Variants in ZC3HC1 observed in about 807,000 individuals in gnomAD.
ZC3HC1 encodes zinc finger C3HC-type containing 1, also known as zinc finger C3HC-type protein 1.
ZC3HC1 carries 38 observed loss-of-function variants against 61.9 expected under a neutral mutation model. The observed-to-expected ratio is 0.61, with a 90% CI of 0.47 to 0.81. The LOEUF (loss-of-function observed/expected upper bound fraction) is 0.81. Ranked by LOEUF, ZC3HC1 falls within the 30% of genes least tolerant of loss-of-function variation. The pLI, the probability that ZC3HC1 is intolerant of heterozygous loss-of-function variation, is 0.00. For synonymous variants in ZC3HC1, 213 were observed against 229.9 expected (o/e 0.93, Z 0.67); for missense variants, 554 against 622.7 (o/e 0.89, Z 1.17).
intron 4 of ZC3HC1, among the ~76,000 whole-genome samples, chr7:130,030,727 G>C (rs1170019797): frequency 6.6e-6 from 1 of 151,230 alleles, no homozygotes; most frequent in Non-Finnish European, 1.5e-5. Flanking sequence ...GAGTGCAGTG[G>C]CGTGATCTCG....
intron 2 of ZC3HC1, chr7:130,045,213 C>T (rs1184580913): frequency 5.7e-6 from 1 of 176,074 alleles, no homozygotes; most frequent in Non-Finnish European, 1.2e-5. Flanking sequence ...ACTTTGGTGG[C>T]TTACTTTCAA....
chr7:130,045,483 T>C (rs1224531890), intron 2 of ZC3HC1: 1 of 457,312 alleles, frequency 2.2e-6, no homozygotes, highest in Non-Finnish European at 4.4e-6. Flanking sequence ...TCACAACCTC[T>C]ATGGTCTATA....
At position 130,022,394 on chromosome 7, in the gene ZC3HC1, C is replaced by A; in HGVS notation, c.1365G>T (p.Glu455Asp). The stretch of plus-strand genomic sequence containing the variant: ...TGGTCAGCACTGCTTTCCAGCCTGG[C>A]TCTGCTGGGGCGCTGGCATCTGGTT... ...GTEPDASAPA[E>D]PGWKAVLTIL... The change falls in exon 9 of 10, where the codon GAG (glutamate) becomes GAT (aspartate). Residue 455 changes from glutamate (E) to aspartate (D), a missense_variant. Coordinates refer to ENST00000358303, the MANE Select transcript of ZC3HC1 (RefSeq NM_016478.5). The A allele has an allele frequency of 6.2e-7, 1 of 1,613,482 alleles. No individual in the cohort carries two copies. Among genetic ancestry groups the A allele is most frequent in the South Asian group, 1.1e-5 (1 of 90,998 alleles).
At chr7:130,043,350 A>C (rs1794752133) in intron 2 of ZC3HC1, 1 of 152,442 alleles carries the variant, frequency 6.6e-6, no homozygotes, top group Admixed American at 6.5e-5. Flanking sequence ...ATATGAAAGA[A>C]GATGCAGGAA....
chr7:130,038,727 G>T (rs538266234), intron 4 of ZC3HC1, among the ~76,000 whole-genome samples: 1 of 152,060 alleles, frequency 6.6e-6, no homozygotes, highest in African/African-American at 2.4e-5. Context: ...GGGTGTGGCA[G>T]CGTGTACCTG....
Position 130,049,081 on chromosome 7 carries a change from C to T in ZC3HC1, c.210G>A (p.Leu70=). 1 of 1,609,752 alleles carries T rather than the reference C, an allele frequency of 6.2e-7. No homozygotes were observed. The highest frequency in any genetic ancestry group is 8.5e-7 in the Non-Finnish European group (1 of 1,178,158). The change falls in exon 2 of 10, where the codon TTG becomes TTA. Residue 70 remains leucine (L), a synonymous_variant. Transcript: ENST00000358303. ...NGSPQAEQPS[L]ESTSKEAFFS... ...AGAAGGCTTCTTTGCTTGTAGATTC[C>T]AATGAAGGTTGTTCCGCTTGGGGTG...
At position 130,042,123 on chromosome 7, in the gene ZC3HC1, CGACACCTCATCTCTAT is replaced by C. The variant is rs1794701190; in HGVS notation, c.259-1038_259-1023del. 3.3e-5 allele frequency among the ~76,000 whole-genome samples: 5 copies of C among 151,700 alleles called. No individual in the cohort carries two copies. In the East Asian group the frequency reaches 7.9e-4, roughly 24 times the overall value. ...TTGAAGATCAGCCTGGGCAACACGGCGACACCTCATCTCTATTGAAAATCAAAAAATTAGCGGGATG... is the reference window on the plus strand; with the variant it reads ...TTGAAGATCAGCCTGGGCAACACGGCTGAAAATCAAAAAATTAGCGGGATG... On this transcript the variant is annotated intron_variant, in intron 2 of 9. Coordinates refer to ENST00000358303, the MANE Select transcript of ZC3HC1 (RefSeq NM_016478.5).
At position 130,023,717 on chromosome 7, in the gene ZC3HC1, T is replaced by C. The variant is rs1336614931; in HGVS notation, c.1027A>G (p.Lys343Glu). The change falls in exon 8 of 10, where the codon AAG becomes GAG. Residue 343 changes from lysine to glutamate, a missense_variant. Transcript: ENST00000358303. This position sits in a 1 kb window ranked among gnomAD's most constrained non-coding sequence, Gnocchi z 4.2. ...TFSPGSEQAE[K>E]SPGPIVSRTR... ...CGAGAGACAATGGGACCAGGGCTCT[T>C]TTCAGCCTGAAGGAAAGGGGAGATA... The C allele has an allele frequency of 1.2e-6, 2 of 1,613,528 alleles. No homozygotes were observed. The highest frequency in any genetic ancestry group is 1.7e-6 in the Non-Finnish European group (2 of 1,179,624).
chr7:130,032,172 C>T (rs998944139), intron 4 of ZC3HC1, among the ~76,000 whole-genome samples: 2 of 149,778 alleles, frequency 1.3e-5, no homozygotes, highest in African/African-American at 2.5e-5. Context: ...TGCAGTGAGC[C>T]GAGACCACGC....
At position 130,026,301 on chromosome 7, in the gene ZC3HC1, T is replaced by G. The variant is rs1404198741; in HGVS notation, c.633A>C (p.Glu211Asp). ...PEDLKTMCLT[E>D]DKISLLLHLL... ...AGTGTAGGAGAAGACTGATCTTGTC[T>G]TCTGTCAAGCACTACAAGGGAGCCA... is the stretch of plus-strand genomic sequence containing the variant. The change falls in exon 6 of 10, where the codon GAA (glutamate) becomes GAC (aspartate). Residue 211 changes from glutamate to aspartate, a missense_variant. By Grantham distance (45) the Glu-to-Asp change is conservative. Transcript: ENST00000358303. The G allele has an allele frequency of 1.2e-6, 2 of 1,613,168 alleles. No homozygotes were observed. The highest frequency in any genetic ancestry group is 8.5e-7 in the Non-Finnish European group (1 of 1,179,432).
At chr7:130,042,033 T>C (rs1448802899) in intron 2 of ZC3HC1, among the ~76,000 whole-genome samples, 2 of 152,144 alleles carry the variant, frequency 1.3e-5, no homozygotes, top group African/African-American at 4.8e-5. Flanking sequence ...CCAAGCACAG[T>C]GGCACATGCT....
intron 4 of ZC3HC1, among the ~76,000 whole-genome samples, chr7:130,031,336 A>AC (rs1383260769): frequency 4.0e-5 from 6 of 151,126 alleles, no homozygotes; most frequent in East Asian, 4.0e-4. Context: ...AAAAAAAAAA[A>AC]AAAAAACAGA....
At chr7:130,051,130 G>A (rs1795057725) in intron 1 of ZC3HC1, 91 bp downstream of exon 1, 4 of 1,485,582 alleles carry the variant, frequency 2.7e-6, no homozygotes, top group African/African-American at 2.9e-5. Flanking sequence ...CCGAGTCGCC[G>A]ACCGAGGGGA....
At chr7:130,037,081 G>C (rs1286511065) in intron 4 of ZC3HC1, 1 of 152,238 alleles carries the variant, frequency 6.6e-6, no homozygotes, top group African/African-American at 2.4e-5. Flanking sequence ...TTATGAATGA[G>C]ATCAGGAAAG....
At position 130,023,687 on chromosome 7, in the gene ZC3HC1, G is replaced by A. The variant is rs567287067; in HGVS notation, c.1057C>T (p.Arg353Trp). ...KSPGPIVSRTRSWDSSSPVDR... is the reference protein window; with the variant it reads ...KSPGPIVSRTWSWDSSSPVDR... ...ACAGGACTGGAAGAGTCCCAGCTCC[G>A]AGTTCGAGAGACAATGGGACCAGGG... is the stretch of plus-strand genomic sequence containing the variant. The change falls in exon 8 of 10, where the codon CGG becomes TGG. Residue 353 changes from arginine to tryptophan, a missense_variant. Transcript: ENST00000358303. This position sits in a 1 kb window ranked among gnomAD's most constrained non-coding sequence, Gnocchi z 4.2. 34 of 1,614,218 alleles carry A rather than the reference G, an allele frequency of 2.1e-5. No homozygotes were observed. In the South Asian group the frequency reaches 2.9e-4, roughly 14 times the overall value.
chr7:130,023,702 T>C lies in ZC3HC1; in HGVS notation c.1042A>G (p.Ile348Val). 1.9e-6 allele frequency: 3 copies of C among 1,614,144 alleles called. No homozygotes were observed. Among genetic ancestry groups the C allele is most frequent in the Non-Finnish European group, 1.7e-6 (2 of 1,180,020 alleles). ...SEQAEKSPGPIVSRTRSWDSS... is the reference protein window; with the variant it reads ...SEQAEKSPGPVVSRTRSWDSS... ...TCCCAGCTCCGAGTTCGAGAGACAA[T>C]GGGACCAGGGCTCTTTTCAGCCTGA... The change falls in exon 8 of 10, where the codon ATT becomes GTT. Residue 348 changes from isoleucine to valine, a missense_variant. Transcript: ENST00000358303. This position sits in a 1 kb window ranked among gnomAD's most constrained non-coding sequence, Gnocchi z 4.2.
rs373380777 is a variant in ZC3HC1 at position 130,023,712 on chromosome 7, G to A, written c.1032C>T (p.Ser344=). ...FSPGSEQAEK[S]PGPIVSRTRS... ...GAGTTCGAGAGACAATGGGACCAGGGCTCTTTTCAGCCTGAAGGAAAGGGG... is the reference window on the plus strand; with the variant it reads ...GAGTTCGAGAGACAATGGGACCAGGACTCTTTTCAGCCTGAAGGAAAGGGG... Residue 344 remains serine, a synonymous_variant, in exon 8 of 10, where the codon AGC becomes AGT. Transcript: ENST00000358303. This position sits in a 1 kb window ranked among gnomAD's most constrained non-coding sequence, Gnocchi z 4.2. 46 of 1,613,726 alleles carry A rather than the reference G, an allele frequency of 2.9e-5. No homozygotes were observed. Among genetic ancestry groups the A allele is most frequent in the Non-Finnish European group, 3.7e-5 (44 of 1,179,812 alleles).
Position 130,018,575 on chromosome 7 carries a change from T to G in ZC3HC1, c.*89A>C. 8.7e-7 allele frequency: 1 copy of G among 1,152,638 alleles called. No homozygotes were observed. The highest frequency in any genetic ancestry group is 1.3e-6 in the Non-Finnish European group (1 of 785,678). The allele number at this position is 1,152,638 out of a possible 1,614,324, so 71.4% of individuals were successfully genotyped here. ...TGATTAACCCAGAACAGGAAAAACT[T>G]AGTGTCAGCTGACCGAAAGGAACTC... On this transcript the variant is annotated 3_prime_UTR_variant, in exon 10 of 10. Coordinates refer to ENST00000358303, the MANE Select transcript of ZC3HC1 (RefSeq NM_016478.5).
intron 3 of ZC3HC1, 119 bp downstream of exon 3, chr7:130,040,832 A>G: frequency 8.8e-7 from 1 of 1,142,382 alleles, no homozygotes; most frequent in South Asian, 1.7e-5. Flanking sequence ...AAGATTAAAA[A>G]AAAAGATTGA....
Sources: allele counts gnomAD v4.1 joint callset (sites outside exome capture counted in the v4.1 genomes callset), GRCh38; gene constraint gnomAD v4.1.1; non-coding constraint Gnocchi (gnomAD v3.1); transcripts MANE v1.5; gene names NCBI Gene and HGNC (gene_info 2026-07-23, HGNC 2026-07-21).